The following MED27 variants were observed in gnomAD, a reference collection of about 807,000 sequenced individuals.
MED27 encodes the protein mediator complex subunit 27, also known as mediator of RNA polymerase II transcription subunit 27.
Under a neutral mutation model 38.2 loss-of-function variants are expected in MED27, and 30 were observed. That is an observed-to-expected ratio of 0.79 (90% CI 0.59 to 1.07). MED27 has a LOEUF of 1.07. Among genes scored for constraint, MED27 ranks in the 50% least tolerant of loss-of-function variants. The probability of loss-of-function intolerance (pLI) is 0.00; values close to 1 mark genes in which losing one functional copy is unlikely to be tolerated. For synonymous variants in MED27, 122 were observed against 153.5 expected, an observed-to-expected ratio of 0.79 and a Z score of 1.52; for missense variants, 289 against 397.5, an observed-to-expected ratio of 0.73 and a Z score of 2.32.
intron 6 of MED27, among the ~76,000 whole-genome samples, chr9:131,866,363 G>T (rs1054346922): frequency 3.9e-5 from 6 of 152,224 alleles, no homozygotes; most frequent in African/African-American, 1.4e-4. Flanking sequence ...CATCTCAAGT[G>T]GTCTTCCAGA....
intron 4 of MED27, among the ~76,000 whole-genome samples, chr9:131,896,493 T>C: frequency 6.6e-6 from 1 of 152,216 alleles, no homozygotes; most frequent in East Asian, 1.9e-4. Context: ...CAAATTTTTT[T>C]CTATTAAAAG....
rs986271954 is a variant in MED27 at position 131,862,087 on chromosome 9, T to A, written c.801+976A>T. Among the ~76,000 whole-genome samples, 4 of 152,216 alleles carry A rather than the reference T, an allele frequency of 2.6e-5. No homozygotes were observed. Among genetic ancestry groups the A allele is most frequent in the Non-Finnish European group, 5.9e-5 (4 of 68,040 alleles). ...CAGAAGGACCACTCTGTGGGAGCTC[T>A]GAGCACCTGGCTGTGTTGTGCCCAC... On this transcript the variant is annotated intron_variant, in intron 7 of 7. Transcript: ENST00000292035. The surrounding 1 kb of genome is among the most constrained non-coding windows in gnomAD (Gnocchi z 4.6).
At chr9:131,942,880 C>A (rs929713599) in intron 3 of MED27, among the ~76,000 whole-genome samples, 1 of 152,072 alleles carries the variant, frequency 6.6e-6, no homozygotes. Flanking sequence ...ATGTTCCTGG[C>A]CATTTTTGAT....
chr9:131,955,002 C>T (rs1027345303), intron 3 of MED27, among the ~76,000 whole-genome samples: 4 of 151,936 alleles, frequency 2.6e-5, no homozygotes, highest in African/African-American at 9.7e-5. Context: ...TATCCCAAAA[C>T]AGTAGAAGGT....
In MED27 at chr9:131,860,420, GA is replaced by G; in HGVS notation, c.*117del. On this transcript the variant is annotated 3_prime_UTR_variant, in exon 8 of 8. Transcript: ENST00000292035. This position sits in a 1 kb window ranked among gnomAD's most constrained non-coding sequence, Gnocchi z 5.8. ...CTCTGCACACATGGCGCTGCTTTATGAAAGGGAGGAGCAGCTGTACACATCT... is the reference window on the plus strand; with the variant it reads ...CTCTGCACACATGGCGCTGCTTTATGAAGGGAGGAGCAGCTGTACACATCT... 8.2e-7 allele frequency: 1 copy of G among 1,223,346 alleles called. No individual in the cohort carries two copies. The highest frequency in any genetic ancestry group is 1.7e-5 in the South Asian group (1 of 60,428). The allele number at this position is 1,223,346 out of a possible 1,614,324, so 75.8% of individuals were successfully genotyped here.
intron 3 of MED27, among the ~76,000 whole-genome samples, chr9:131,989,082 T>C (rs571811548): frequency 3.9e-5 from 6 of 152,336 alleles, no homozygotes; most frequent in African/African-American, 1.2e-4. Context: ...TTCAGAAGTG[T>C]GGAGAGAGAA....
chr9:131,969,491 A>G (rs183133292), intron 3 of MED27, among the ~76,000 whole-genome samples: 46 of 152,228 alleles, frequency 3.0e-4, no homozygotes, highest in African/African-American at 1.1e-3. Flanking sequence ...TCTTTTACTC[A>G]TATTTCAGGG....
chr9:131,870,699 C>T (rs1343626553), intron 6 of MED27, among the ~76,000 whole-genome samples: 1 of 152,086 alleles, frequency 6.6e-6, no homozygotes, highest in Non-Finnish European at 1.5e-5. Flanking sequence ...GCCCTCTCCT[C>T]CCCAGAAGGG....
At chr9:132,017,483 A>C (rs1299459666) in intron 2 of MED27, among the ~76,000 whole-genome samples, 1 of 152,218 alleles carries the variant, frequency 6.6e-6, no homozygotes, top group Non-Finnish European at 1.5e-5. Flanking sequence ...GCAACTTATC[A>C]AAGTTCTATT....
At chr9:132,053,670 C>T (rs972766234) in intron 2 of MED27, among the ~76,000 whole-genome samples, 2 of 152,154 alleles carry the variant, frequency 1.3e-5, no homozygotes, top group African/African-American at 2.4e-5. Flanking sequence ...AGGCTGCCTG[C>T]GTCCAGACCC....
intron 2 of MED27, among the ~76,000 whole-genome samples, chr9:132,025,376 T>TGGTCTCTACTAAA (rs1832796958): frequency 6.6e-6 from 1 of 152,128 alleles, no homozygotes; most frequent in African/African-American, 2.4e-5. Flanking sequence ...GAGACAGGGT[T>TGGTCTCTACTAAA]CCTCCATGTT....
intron 2 of MED27, among the ~76,000 whole-genome samples, chr9:132,034,981 C>T (rs903981143): frequency 6.6e-6 from 1 of 152,170 alleles, no homozygotes; most frequent in South Asian, 2.1e-4. Context: ...ACAGACACCC[C>T]CCTCAAATGA....
In MED27 at chr9:131,913,203, T is replaced by C. The variant is rs1830222056; in HGVS notation, c.574-19211A>G. On this transcript the variant is annotated intron_variant, in intron 4 of 7. Transcript: ENST00000292035. This position sits in a 1 kb window ranked among gnomAD's most constrained non-coding sequence, Gnocchi z 4.5. Reference sequence around the variant, plus strand: ...TTTCAATACATTTCCCTTAGTCCCCTACATGCACTAGGAGCTTTCTGTATT... The same window carrying C: ...TTTCAATACATTTCCCTTAGTCCCCCACATGCACTAGGAGCTTTCTGTATT... 1.3e-5 allele frequency among the ~76,000 whole-genome samples: 2 copies of C among 152,256 alleles called. No individual in the cohort carries two copies. Among genetic ancestry groups the C allele is most frequent in the South Asian group, 4.1e-4 (2 of 4,832 alleles).
At chr9:131,885,070 A>G (rs1189535279) in intron 5 of MED27, among the ~76,000 whole-genome samples, 1 of 152,192 alleles carries the variant, frequency 6.6e-6, no homozygotes, top group East Asian at 1.9e-4. Context: ...AGGTCCAGAA[A>G]TGGGGTCTGG....
intron 2 of MED27, among the ~76,000 whole-genome samples, chr9:132,065,331 C>CTTTA (rs1833785272): frequency 6.6e-6 from 1 of 152,188 alleles, no homozygotes; most frequent in Non-Finnish European, 1.5e-5. Context: ...TCTACCATAA[C>CTTTA]CCTCCAGTGC....
intron 2 of MED27, among the ~76,000 whole-genome samples, chr9:132,055,642 C>A (rs1022720452): frequency 9.2e-5 from 14 of 152,208 alleles, no homozygotes; most frequent in African/African-American, 3.4e-4. Context: ...TAAGCCACCT[C>A]TAAGACAGAA....
rs1302613088 is a variant in MED27 at position 131,860,513 on chromosome 9, T to A, written c.*25A>T. The A allele has an allele frequency of 2.0e-6, 3 of 1,495,470 alleles. No individual in the cohort carries two copies. In the Admixed American group the frequency reaches 7.1e-5, roughly 35 times the overall value. 92.6% of individuals were successfully genotyped at this position (1,495,470 alleles called of 1,614,324 possible). ...GTGTCTGGGAAGGTGCTGGGTGGGGTCTGAGGCTGGGGCCAGCGTGGGGGC... is the reference window on the plus strand; with the variant it reads ...GTGTCTGGGAAGGTGCTGGGTGGGGACTGAGGCTGGGGCCAGCGTGGGGGC... On this transcript the variant is annotated 3_prime_UTR_variant, in exon 8 of 8. Transcript: ENST00000292035. This position sits in a 1 kb window ranked among gnomAD's most constrained non-coding sequence, Gnocchi z 5.8.
intron 2 of MED27, among the ~76,000 whole-genome samples, chr9:132,041,259 G>C (rs1833203863): frequency 6.6e-6 from 1 of 152,198 alleles, no homozygotes; most frequent in Non-Finnish European, 1.5e-5. Context: ...CAAAGTGGGA[G>C]AGTAGACAGT....
chr9:131,884,004 A>G (rs749449812), intron 6 of MED27, 54 bp downstream of exon 6: 117 of 1,488,152 alleles, frequency 7.9e-5, no homozygotes, highest in South Asian at 7.5e-4. Context: ...TAAACCTCAA[A>G]GCATTCACGT....
Sources: gnomAD v4.1 joint callset for allele counts (sites outside exome capture counted in the v4.1 genomes callset) on GRCh38, gnomAD v4.1.1 for gene constraint, Gnocchi (gnomAD v3.1) non-coding constraint, MANE v1.5 for transcripts, NCBI Gene and HGNC (gene_info 2026-07-23, HGNC 2026-07-21) for gene names.